The following PFKFB3 variants were observed in gnomAD, a reference collection of about 807,000 sequenced individuals.
The protein encoded by PFKFB3 is 6-phosphofructo-2-kinase/fructose-2,6-bisphosphatase 3.
A neutral mutation model predicts 68.0 loss-of-function variants in PFKFB3; 33 were observed. The observed-to-expected ratio is 0.49, with a 90% CI of 0.37 to 0.65. PFKFB3 has a LOEUF of 0.65. PFKFB3 is among the 30% of genes least tolerant of loss of function. The pLI, the probability that PFKFB3 is intolerant of heterozygous loss-of-function variation, is 0.00. For missense variants in PFKFB3, 586 were observed against 712.2 expected (o/e 0.82, Z 2.02); for synonymous variants, 315 against 288.2 (o/e 1.09, Z -0.94).
the PFKFB3 span, among the ~76,000 whole-genome samples, chr10:6,317,972 G>T: frequency 1.3e-5 from 2 of 152,212 alleles, no homozygotes; most frequent in African/African-American, 4.8e-5. Flanking sequence ...AGGGCTTTTT[G>T]ACCAAATCAG....
the PFKFB3 span, among the ~76,000 whole-genome samples, chr10:6,295,595 G>C: frequency 1.8e-4 from 28 of 151,980 alleles, no homozygotes; most frequent in African/African-American, 5.8e-4. Flanking sequence ...GGTGAGGTGT[G>C]GGGGTTAGGG....
chr10:6,178,697 G>A (rs766805591), intron 1 of PFKFB3, among the ~76,000 whole-genome samples: 1 of 152,228 alleles, frequency 6.6e-6, no homozygotes, highest in Admixed American at 6.5e-5. Context: ...TCTCGGCCTC[G>A]AGTTGATCTG....
Position 6,229,077 on chromosome 10 carries a change from G to T in PFKFB3, c.1515+2712G>T. ...ACACCCGCCCCTTTATTTCCTGTTT[G>T]CTCCTTAAGTTACCTTAACTACTTT... On this transcript the variant is annotated intron_variant, in intron 14 of 14. Transcript: ENST00000379775. The surrounding 1 kb of genome is among the most constrained non-coding windows in gnomAD (Gnocchi z 4.3). 1.9e-6 allele frequency: 1 copy of T among 525,400 alleles called. No homozygotes were observed. The highest frequency in any genetic ancestry group is 3.9e-6 in the Non-Finnish European group (1 of 256,008). 32.5% of individuals were successfully genotyped at this position (525,400 alleles called of 1,614,324 possible). A position where few individuals can be genotyped will look rare whatever the true frequency, so the allele number is the denominator to read the frequency against.
At chr10:6,185,425 A>G (rs1842842027) in intron 1 of PFKFB3, among the ~76,000 whole-genome samples, 1 of 152,198 alleles carries the variant, frequency 6.6e-6, no homozygotes, top group Non-Finnish European at 1.5e-5. Flanking sequence ...ACACGTTTTC[A>G]CAAGGATGGA....
At position 6,170,159 on chromosome 10, in the gene PFKFB3, C is replaced by T. The variant is rs571112594; in HGVS notation, c.16+25146C>T. 2.0e-5 allele frequency among the ~76,000 whole-genome samples: 3 copies of T among 152,238 alleles called. No homozygotes were observed. The South Asian group carries it at 6.2e-4, about 32-fold the overall frequency. On this transcript the variant is annotated intron_variant, in intron 1 of 14. Coordinates refer to the PFKFB3 transcript ENST00000379789. ...TTTTAAGCAAAAGAACCTTGTTTAC[C>T]ATTAACCAGAACTCTGGAAATAGAT...
intron 1 of PFKFB3, among the ~76,000 whole-genome samples, chr10:6,213,410 T>C (rs1319087580): frequency 2.6e-5 from 4 of 152,130 alleles, no homozygotes; most frequent in African/African-American, 7.2e-5. Flanking sequence ...GTCCCAGCTA[T>C]TGGGGAGGCT....
intron 1 of PFKFB3, among the ~76,000 whole-genome samples, chr10:6,191,956 C>CCAATAT (rs1251604676): frequency 6.6e-6 from 1 of 151,916 alleles, no homozygotes; most frequent in Non-Finnish European, 1.5e-5. Context: ...TTTATGAAGA[C>CCAATAT]CAAATTGGAT....
the PFKFB3 span, chr10:6,294,704 A>G: frequency 2.5e-5 from 4 of 160,616 alleles, no homozygotes; most frequent in Admixed American, 6.1e-5. Flanking sequence ...ATTCTTCTAG[A>G]CCACAAGGAC....
chr10:6,279,116 T>C, the PFKFB3 span, among the ~76,000 whole-genome samples: 29 of 152,260 alleles, frequency 1.9e-4, 1 homozygote, highest in Non-Finnish European at 8.8e-5. Flanking sequence ...ATCATAATAA[T>C]GCAATAGCTA....
intron 1 of PFKFB3, among the ~76,000 whole-genome samples, chr10:6,151,721 C>G (rs1027977182): frequency 6.6e-6 from 1 of 152,178 alleles, no homozygotes; most frequent in Non-Finnish European, 1.5e-5. Flanking sequence ...GGAGGGTACC[C>G]TCCCCGCTCC....
chr10:6,223,400 A>G (rs1237111582), intron 11 of PFKFB3, among the ~76,000 whole-genome samples: 1 of 152,140 alleles, frequency 6.6e-6, no homozygotes, highest in Non-Finnish European at 1.5e-5. Flanking sequence ...CCCTAGACAG[A>G]CCTAAATTGT....
chr10:6,298,091 C>G, the PFKFB3 span, among the ~76,000 whole-genome samples: 1 of 152,180 alleles, frequency 6.6e-6, no homozygotes, highest in African/African-American at 2.4e-5. Context: ...GACTTCTTGG[C>G]TAGCAGTCTG....
intron 1 of PFKFB3, among the ~76,000 whole-genome samples, chr10:6,186,091 G>C (rs891524388): frequency 1.3e-5 from 2 of 152,016 alleles, no homozygotes; most frequent in African/African-American, 2.4e-5. Context: ...GGTGATTGGT[G>C]GTGTTTTCGG....
chr10:6,227,269 T>C (rs1225532552), intron 14 of PFKFB3, among the ~76,000 whole-genome samples: 1 of 152,136 alleles, frequency 6.6e-6, no homozygotes, highest in Non-Finnish European at 1.5e-5. Flanking sequence ...TGTAGGAATT[T>C]CTGTGCTTAA....
chr10:6,283,684 C>T, the PFKFB3 span, among the ~76,000 whole-genome samples: 1 of 152,180 alleles, frequency 6.6e-6, no homozygotes, highest in Non-Finnish European at 1.5e-5. Context: ...AACAAAGTTA[C>T]GAGTTGTTTT....
Position 6,203,354 on chromosome 10 carries a change from G to C in PFKFB3, c.76+18G>C. Reference sequence around the variant, plus strand: ...GCCCAGATGTGAGTGCAGCTGCGCGGAGCCGGGTTGCAGGGCGGGCTGCGC... The same window carrying C: ...GCCCAGATGTGAGTGCAGCTGCGCGCAGCCGGGTTGCAGGGCGGGCTGCGC... On this transcript the variant is annotated intron_variant, in intron 1 of 14. Transcript: ENST00000379775. 1 of 1,580,026 alleles carries C rather than the reference G, an allele frequency of 6.3e-7. No homozygotes were observed. The highest frequency in any genetic ancestry group is 8.6e-7 in the Non-Finnish European group (1 of 1,161,614).
intron 1 of PFKFB3, among the ~76,000 whole-genome samples, chr10:6,168,657 G>T (rs1842208948): frequency 6.6e-6 from 1 of 152,182 alleles, no homozygotes; most frequent in Admixed American, 6.5e-5. Context: ...TGACAACTTG[G>T]CCATTGCTAC....
chr10:6,298,039 G>C, the PFKFB3 span, among the ~76,000 whole-genome samples: 63 of 152,234 alleles, frequency 4.1e-4, no homozygotes, highest in African/African-American at 1.4e-3. Context: ...GTTCTATTTA[G>C]GTATGGAACT....
intron 1 of PFKFB3, among the ~76,000 whole-genome samples, chr10:6,179,316 GA>G (rs761485224): frequency 1.2e-4 from 19 of 152,248 alleles, no homozygotes; most frequent in Non-Finnish European, 1.9e-4. Context: ...AAGCCGACAA[GA>G]GCCCAAACTC....
Sources: allele counts gnomAD v4.1 joint callset (sites outside exome capture counted in the v4.1 genomes callset), GRCh38; gene constraint gnomAD v4.1.1; non-coding constraint Gnocchi (gnomAD v3.1); transcripts MANE v1.5; gene names NCBI Gene and HGNC (gene_info 2026-07-23, HGNC 2026-07-21).